Variants in TSG101 observed in about 807,000 individuals in gnomAD.
TSG101 encodes the protein tumor susceptibility 101.
In TSG101, 19 loss-of-function variants were observed where a neutral mutation model predicts 48.5. That is an observed-to-expected ratio of 0.39 (90% CI 0.27 to 0.58). TSG101 has a LOEUF of 0.58. Among genes scored for constraint, TSG101 ranks in the 20% least tolerant of loss-of-function variants. The pLI is 0.55. For synonymous variants in TSG101, 174 were observed against 169.4 expected (o/e 1.03, Z -0.21); for missense variants, 365 against 484.4 (o/e 0.75, Z 2.31).
intron 9 of TSG101, 47 bp from the exon 10 acceptor site, chr11:18,480,682 G>C: frequency 6.4e-7 from 1 of 1,551,906 alleles, no homozygotes; most frequent in Non-Finnish European, 8.8e-7. Flanking sequence ...CTTTGATTTA[G>C]GCCCAGGCAT....
intron 7 of TSG101, among the ~76,000 whole-genome samples, chr11:18,488,946 C>G (rs2698567): frequency 0.5 from 75,594 of 151,612 alleles, 19,228 homozygotes; most frequent in Non-Finnish European, 0.55. Context: ...GAAAACCCAT[C>G]TCTACTAAAA....
intron 5 of TSG101, 35 bp downstream of exon 5, chr11:18,509,507 T>C: frequency 3.8e-6 from 6 of 1,599,398 alleles, no homozygotes; most frequent in Non-Finnish European, 5.1e-6. Context: ...CTTTTGTTTA[T>C]ATGAGTTTTA....
At chr11:18,502,330 A>T (rs900741050) in intron 7 of TSG101, among the ~76,000 whole-genome samples, 156 bp downstream of exon 7, 1 of 152,204 alleles carries the variant, frequency 6.6e-6, no homozygotes, top group Non-Finnish European at 1.5e-5. Context: ...TTTATATGTT[A>T]AGTCATTTAC....
At chr11:18,484,119 T>C (rs1849586341) in intron 7 of TSG101, 47 bp from the exon 8 acceptor site, 1 of 1,598,274 alleles carries the variant, frequency 6.3e-7, no homozygotes, top group Non-Finnish European at 8.6e-7. Context: ...CCCAAGTTCC[T>C]TCTATTTGTC....
intron 7 of TSG101, among the ~76,000 whole-genome samples, chr11:18,500,274 G>C (rs1422861035): frequency 6.6e-6 from 1 of 152,130 alleles, no homozygotes; most frequent in Non-Finnish European, 1.5e-5. Context: ...TATGAATACT[G>C]TTGCTATAAA....
At chr11:18,489,378 G>A (rs1849666772) in intron 7 of TSG101, among the ~76,000 whole-genome samples, 8 of 152,110 alleles carry the variant, frequency 5.3e-5, no homozygotes, top group Admixed American at 3.9e-4. Context: ...GGGACTATAT[G>A]CCTACACCAC....
intron 7 of TSG101, among the ~76,000 whole-genome samples, chr11:18,488,662 G>T (rs1375557773): frequency 6.6e-6 from 1 of 152,158 alleles, no homozygotes; most frequent in Non-Finnish European, 1.5e-5. Flanking sequence ...TTTAAAGCCA[G>T]GCTTGCTCAC....
intron 7 of TSG101, among the ~76,000 whole-genome samples, chr11:18,493,692 C>T (rs931386926): frequency 3.3e-5 from 5 of 152,100 alleles, no homozygotes; most frequent in Admixed American, 2.0e-4. Context: ...AGACCGAGAA[C>T]ATATGAGGAT....
intron 6 of TSG101, among the ~76,000 whole-genome samples, chr11:18,503,938 T>TG (rs1302624645): frequency 6.6e-6 from 1 of 152,076 alleles, no homozygotes; most frequent in Non-Finnish European, 1.5e-5. Context: ...GTGCAGTGGA[T>TG]CACACCTGTA....
At chr11:18,523,295 C>G (rs1219460844) in intron 1 of TSG101, among the ~76,000 whole-genome samples, 1 of 152,102 alleles carries the variant, frequency 6.6e-6, no homozygotes, top group African/African-American at 2.4e-5. Flanking sequence ...ATTTCCACAC[C>G]CTAGCATTCC....
At chr11:18,501,016 C>T (rs1180280488) in intron 7 of TSG101, among the ~76,000 whole-genome samples, 1 of 152,120 alleles carries the variant, frequency 6.6e-6, no homozygotes, top group Non-Finnish European at 1.5e-5. Flanking sequence ...CCATGTTGGC[C>T]AGGCTGGTCT....
chr11:18,500,924 C>T (rs1849876873), intron 7 of TSG101, among the ~76,000 whole-genome samples: 2 of 152,136 alleles, frequency 1.3e-5, no homozygotes, highest in Admixed American at 6.5e-5. Flanking sequence ...TTGCCTCAGC[C>T]TCCCAAGTAG....
intron 7 of TSG101, among the ~76,000 whole-genome samples, chr11:18,489,453 A>C (rs1849667755): frequency 6.6e-6 from 1 of 152,154 alleles, no homozygotes; most frequent in South Asian, 2.1e-4. Flanking sequence ...TCATTCATAA[A>C]ACACATGGCT....
chr11:18,481,474 A>G, intron 9 of TSG101, 156 bp downstream of exon 9: 2 of 1,429,718 alleles, frequency 1.4e-6, no homozygotes, highest in Non-Finnish European at 1.8e-6. Context: ...TGTAGGTAAA[A>G]AGATGGTGCA....
intron 7 of TSG101, among the ~76,000 whole-genome samples, chr11:18,497,679 T>C (rs1287761548): frequency 2.0e-5 from 3 of 152,238 alleles, no homozygotes; most frequent in African/African-American, 7.2e-5. Context: ...CAAACAGCAC[T>C]ATTCCTATTT....
intron 8 of TSG101, among the ~76,000 whole-genome samples, chr11:18,483,491 C>CAAAA (rs35471524): frequency 9.3e-6 from 1 of 107,710 alleles, no homozygotes. Context: ...GTGAAACTCT[C>CAAAA]AAAAAAAAAA....
intron 7 of TSG101, among the ~76,000 whole-genome samples, chr11:18,489,979 G>C (rs1435724718): frequency 6.6e-6 from 1 of 152,088 alleles, no homozygotes; most frequent in Non-Finnish European, 1.5e-5. Flanking sequence ...TAATCACAGT[G>C]TTGAATTAAA....
In TSG101 at chr11:18,526,793, G is replaced by C; in HGVS notation, c.24C>G (p.Leu8=). 1.2e-6 allele frequency: 2 copies of C among 1,603,190 alleles called. No individual in the cohort carries two copies. The highest frequency in any genetic ancestry group is 1.7e-6 in the Non-Finnish European group (2 of 1,179,702). The change falls in exon 1 of 10, where the codon CTC becomes CTG. Residue 8 remains leucine (L), a synonymous_variant. Coordinates refer to ENST00000251968, the MANE Select transcript of TSG101 (RefSeq NM_006292.4). MAVSESQ[L]KKMVSKYKYR... ...GCCTCACCTTGGACACCATTTTCTTGAGCTGGCTCTCCGACACCGCCATGA... is the reference window on the plus strand; with the variant it reads ...GCCTCACCTTGGACACCATTTTCTTCAGCTGGCTCTCCGACACCGCCATGA...
chr11:18,504,703 A>G (rs1292210578), intron 6 of TSG101, among the ~76,000 whole-genome samples: 2 of 152,202 alleles, frequency 1.3e-5, no homozygotes, highest in African/African-American at 2.4e-5. Context: ...GCCTACAGAT[A>G]TTAACTTCAG....
Sources: allele counts gnomAD v4.1 joint callset (sites outside exome capture counted in the v4.1 genomes callset), GRCh38; gene constraint gnomAD v4.1.1; transcripts MANE v1.5; gene names NCBI Gene and HGNC (gene_info 2026-07-23, HGNC 2026-07-21).